The following COL21A1 variants were observed in gnomAD, a reference collection of about 807,000 sequenced individuals.
The protein encoded by COL21A1 is collagen type XXI alpha 1 chain, also known as collagen alpha-1(XXI) chain.
COL21A1 carries 149 observed loss-of-function variants against 137.9 expected under a neutral mutation model. That is an observed-to-expected ratio of 1.08 (90% confidence interval 0.95 to 1.24). The LOEUF is 1.24. COL21A1 is among the 50% of genes most tolerant of loss of function. The pLI is 0.00. For synonymous variants in COL21A1, 456 were observed against 391.5 expected (o/e 1.16, Z -1.95); for missense variants, 1,167 against 1,158.4 (o/e 1.01, Z -0.11).
rs1468017521 is a variant in COL21A1, at chr6:56,083,783, A to G, written c.1813-6210T>C. 2.0e-5 allele frequency among the ~76,000 whole-genome samples: 3 copies of G among 152,072 alleles called. No homozygotes were observed. In the East Asian group the frequency reaches 5.8e-4, roughly 29 times the overall value. On this transcript the variant is annotated intron_variant, in intron 17 of 29. Coordinates refer to ENST00000244728, the MANE Select transcript of COL21A1 (RefSeq NM_030820.4). ...TGATGTAATTTGTTAAAATAAATGC[A>G]AATGGACTTACTATAAGGCTAGTAA... is the stretch of plus-strand genomic sequence containing the variant.
intron 16 of COL21A1, among the ~76,000 whole-genome samples, chr6:56,112,715 G>A (rs1404616799): frequency 6.1e-5 from 8 of 130,284 alleles, no homozygotes; most frequent in Admixed American, 2.7e-4. Context: ...ACGGAGTTTC[G>A]CTCTTGTTAG....
chr6:56,392,137 G>GA (rs537328635), intron 1 of COL21A1, among the ~76,000 whole-genome samples: 280 of 152,148 alleles, frequency 1.8e-3, no homozygotes, highest in African/African-American at 6.6e-3. Flanking sequence ...ACATTAAAAG[G>GA]ATCACGCATC....
At chr6:56,058,856 C>T (rs1030353436) in intron 29 of COL21A1, among the ~76,000 whole-genome samples, 1 of 152,136 alleles carries the variant, frequency 6.6e-6, no homozygotes, top group Non-Finnish European at 1.5e-5. Flanking sequence ...CTCTGCTTCC[C>T]TGAGAGTCAT....
chr6:56,164,901 C>T, intron 7 of COL21A1, 79 bp from the exon 8 acceptor site: 1 of 1,099,876 alleles, frequency 9.1e-7, no homozygotes, highest in Non-Finnish European at 1.3e-6. Context: ...ACAGATATTT[C>T]ACCATCCAGA....
rs1407960762 is a variant in COL21A1 at position 56,141,997 on chromosome 6, T to C, written c.1435-14A>G. 1.3e-6 allele frequency: 2 copies of C among 1,491,124 alleles called. No individual in the cohort carries two copies. Among genetic ancestry groups the C allele is most frequent in the East Asian group, 2.5e-5 (1 of 40,376 alleles). 92.4% of individuals were successfully genotyped at this position (1,491,124 alleles called of 1,614,324 possible). A position where few individuals can be genotyped will look rare whatever the true frequency, so the allele number is the denominator to read the frequency against. On this transcript the variant is annotated splice_polypyrimidine_tract_variant and intron_variant, in intron 10 of 29. Transcript: ENST00000244728. ...TCCCTGATATCCCTAAAGAAAAATT[T>C]AAAAAGAAAAAAAATAATATTTCAT...
intron 1 of COL21A1, among the ~76,000 whole-genome samples, chr6:56,198,104 G>T (rs1779150858): frequency 6.6e-6 from 1 of 152,070 alleles, no homozygotes; most frequent in Non-Finnish European, 1.5e-5. Flanking sequence ...AGTGAGCTAA[G>T]TGAATAAGCC....
rs1007938580 is a variant in COL21A1, at chr6:56,320,286, T to C, written c.-39+73685A>G. Among the ~76,000 whole-genome samples the C allele has an allele frequency of 5.9e-5, 9 of 152,202 alleles. No individual in the cohort carries two copies. The South Asian group carries it at 6.2e-4, about 11-fold the overall frequency. ...CCTTCAAAATATGTCTAAAACTTGG[T>C]ATCTTTACCTTGTTCCATATAGCCA... is the stretch of plus-strand genomic sequence containing the variant. On this transcript the variant is annotated intron_variant, in intron 1 of 28. Transcript: ENST00000370819.
intron 1 of COL21A1, among the ~76,000 whole-genome samples, chr6:56,277,867 CA>C (rs1356315776): frequency 1.3e-5 from 2 of 152,180 alleles, no homozygotes; most frequent in Admixed American, 6.5e-5. Context: ...ATATTTCTGA[CA>C]AAGGAACAGT....
chr6:56,060,437 T>G, intron 27 of COL21A1: 1 of 517,188 alleles, frequency 1.9e-6, no homozygotes, highest in Non-Finnish European at 3.3e-6. Context: ...GGGGAAAAAG[T>G]GAAAGTGCCC....
At chr6:56,289,206 A>G (rs1409323791) in intron 1 of COL21A1, among the ~76,000 whole-genome samples, 1 of 152,206 alleles carries the variant, frequency 6.6e-6, no homozygotes, top group Non-Finnish European at 1.5e-5. Context: ...TCAATTCTTA[A>G]GGATATGCAT....
chr6:56,131,545 T>C (rs1041883576), intron 12 of COL21A1, among the ~76,000 whole-genome samples: 1 of 152,026 alleles, frequency 6.6e-6, no homozygotes, highest in African/African-American at 2.4e-5. Context: ...GATGTGGCTA[T>C]AAACACCATC....
chr6:56,279,012 T>G (rs577189611), intron 1 of COL21A1, among the ~76,000 whole-genome samples: 1 of 152,250 alleles, frequency 6.6e-6, no homozygotes, highest in South Asian at 2.1e-4. Flanking sequence ...CACCCAAAGC[T>G]CATGTTGAAT....
At chr6:56,164,528 C>A in intron 8 of COL21A1, 22 bp from the exon 9 acceptor site, 2 of 1,512,578 alleles carry the variant, frequency 1.3e-6, no homozygotes, top group South Asian at 1.2e-5. Flanking sequence ...AAAATGGAAA[C>A]AGACAACAAG....
intron 3 of COL21A1, among the ~76,000 whole-genome samples, chr6:56,176,339 A>G (rs560846803): frequency 6.6e-6 from 1 of 152,170 alleles, no homozygotes; most frequent in African/African-American, 2.4e-5. Flanking sequence ...AAGACAATCT[A>G]TGAAGTGGGA....
At chr6:56,248,565 A>T (rs1782763043), upstream of COL21A1, among the ~76,000 whole-genome samples, 2 of 152,232 alleles carry the variant, frequency 1.3e-5, no homozygotes, top group African/African-American at 4.8e-5. Context: ...CTATGAGGGC[A>T]GGAAATTGGT....
At chr6:56,322,899 AAAGTC>A (rs1325322852) in intron 1 of COL21A1, among the ~76,000 whole-genome samples, 85 of 151,148 alleles carry the variant, frequency 5.6e-4, no homozygotes, top group Middle Eastern at 6.8e-3. Context: ...AAAAAAAAAA[AAAGTC>A]AAGTCATCAA....
At chr6:56,335,039 A>C (rs6927104) in intron 1 of COL21A1, among the ~76,000 whole-genome samples, 102,593 of 151,988 alleles carry the variant, frequency 0.68, 34,975 homozygotes, top group East Asian at 0.9. Context: ...CAGCAGGAAA[A>C]AAAGACAACT....
intron 17 of COL21A1, among the ~76,000 whole-genome samples, chr6:56,085,958 A>G (rs1157953692): frequency 1.4e-5 from 2 of 143,314 alleles, no homozygotes; most frequent in Non-Finnish European, 3.1e-5. Context: ...TCATTTACAT[A>G]TAGTCTCATA....
At chr6:56,098,957 C>A (rs942818327) in intron 17 of COL21A1, among the ~76,000 whole-genome samples, 3 of 150,172 alleles carry the variant, frequency 2.0e-5, no homozygotes, top group African/African-American at 7.3e-5. Flanking sequence ...CCTCATGATC[C>A]GCCCGCCTCG....
Sources: gnomAD v4.1 joint callset for allele counts (sites outside exome capture counted in the v4.1 genomes callset) on GRCh38, gnomAD v4.1.1 for gene constraint, MANE v1.5 for transcripts, NCBI Gene and HGNC (gene_info 2026-07-23, HGNC 2026-07-21) for gene names.